SIPA1L1: variants seen among roughly 807,000 people sequenced by gnomAD.
SIPA1L1 encodes the protein signal induced proliferation associated 1 like 1.
In SIPA1L1, 26 loss-of-function variants were observed where a neutral mutation model predicts 162.7. That is an observed-to-expected ratio of 0.16 (90% CI 0.12 to 0.22). SIPA1L1 has a LOEUF of 0.22. SIPA1L1 is among the 10% of genes least tolerant of loss of function. The pLI is 1.00. For missense variants in SIPA1L1, 1,874 were observed against 2,241.0 expected (o/e 0.84, Z 3.31); for synonymous variants, 829 against 837.4 (o/e 0.99, Z 0.17).
intron 5 of SIPA1L1, among the ~76,000 whole-genome samples, chr14:71,596,580 T>G (rs1242636507): frequency 6.6e-6 from 1 of 152,234 alleles, no homozygotes; most frequent in Non-Finnish European, 1.5e-5. Context: ...CATTTGTCCA[T>G]TTGTTCAGTC....
At chr14:71,733,619 T>C (rs1221184922) in intron 20 of SIPA1L1, 47 bp from the exon 21 acceptor site, 1 of 1,593,702 alleles carries the variant, frequency 6.3e-7, no homozygotes, top group Non-Finnish European at 8.6e-7. Flanking sequence ...TTTGAGTGGC[T>C]CTTCCACAGG....
intron 13 of SIPA1L1, among the ~76,000 whole-genome samples, chr14:71,691,490 AG>A (rs1232485088): frequency 6.6e-6 from 1 of 152,118 alleles, no homozygotes; most frequent in Admixed American, 6.5e-5. Flanking sequence ...GCTACTTGGG[AG>A]GCTGAGTGGG....
chr14:71,698,080 A>G (rs780595869), intron 13 of SIPA1L1, among the ~76,000 whole-genome samples: 1 of 152,214 alleles, frequency 6.6e-6, no homozygotes. Flanking sequence ...TAAAATGGAA[A>G]TGACCTCCCC....
intron 2 of SIPA1L1, among the ~76,000 whole-genome samples, chr14:71,374,301 A>C (rs1429518431): frequency 6.6e-6 from 1 of 152,150 alleles, no homozygotes; most frequent in Admixed American, 6.5e-5. Flanking sequence ...TCAATTTATC[A>C]GTAAGAGTTA....
In SIPA1L1 at chr14:71,589,148, G is replaced by A. The variant is rs746442681; in HGVS notation, c.1276G>A (p.Glu426Lys). Reference protein sequence around the residue: ...YFRNEIGGEGERKISLSKSNS... With the variant: ...YFRNEIGGEGKRKISLSKSNS... ...TCGGAATGAGATAGGTGGAGAAGGGGAGAGGAAAATCAGCCTTTCAAAATC... is the reference window on the plus strand; with the variant it reads ...TCGGAATGAGATAGGTGGAGAAGGGAAGAGGAAAATCAGCCTTTCAAAATC... The change falls in exon 5 of 24, where the codon GAG becomes AAG. Residue 426 changes from glutamate to lysine, a missense_variant. By Grantham distance (56) the Glu-to-Lys change is moderately conservative. Coordinates refer to ENST00000381232, the MANE Select transcript of SIPA1L1 (RefSeq NM_001386936.1). 3 of 1,614,100 alleles carry A rather than the reference G, an allele frequency of 1.9e-6. No homozygotes were observed. Among genetic ancestry groups the A allele is most frequent in the Non-Finnish European group, 1.7e-6 (2 of 1,179,980 alleles).
At chr14:71,604,511 T>C (rs2037243121) in intron 5 of SIPA1L1, among the ~76,000 whole-genome samples, 2 of 152,126 alleles carry the variant, frequency 1.3e-5, no homozygotes, top group Non-Finnish European at 2.9e-5. Flanking sequence ...TATCATTCTT[T>C]CACTTCCAGG....
rs961284837 is a variant in SIPA1L1, at chr14:71,544,090, T to C, written c.-303+14720T>C. On this transcript the variant is annotated intron_variant, in intron 4 of 23. Coordinates refer to ENST00000381232, the MANE Select transcript of SIPA1L1 (RefSeq NM_001386936.1). ...ACACACGCACGCACATGTATGTATATACACACGCACATGTATGTATATACA... is the reference window on the plus strand; with the variant it reads ...ACACACGCACGCACATGTATGTATACACACACGCACATGTATGTATATACA... 2.1e-4 allele frequency among the ~76,000 whole-genome samples: 32 copies of C among 149,730 alleles called. 1 individual carries two copies. Among genetic ancestry groups the C allele is most frequent in the African/African-American group, 7.2e-4 (29 of 40,364 alleles).
At chr14:71,467,574 A>G (rs2047100215) in intron 2 of SIPA1L1, among the ~76,000 whole-genome samples, 1 of 152,174 alleles carries the variant, frequency 6.6e-6, no homozygotes, top group South Asian at 2.1e-4. Flanking sequence ...CATTGTGCCC[A>G]GTTTTCAAAA....
At chr14:71,729,455 C>T (rs547458348) in intron 19 of SIPA1L1, among the ~76,000 whole-genome samples, 4 of 152,330 alleles carry the variant, frequency 2.6e-5, no homozygotes, top group African/African-American at 9.6e-5. Flanking sequence ...TAATCAAGAG[C>T]TACCTGCTAT....
At chr14:71,597,426 T>G (rs2147896103) in intron 5 of SIPA1L1, among the ~76,000 whole-genome samples, 1 of 152,328 alleles carries the variant, frequency 6.6e-6, no homozygotes, top group East Asian at 1.9e-4. Flanking sequence ...TTATTTTTCT[T>G]GTTTTTTCTT....
At chr14:71,480,310 C>T (rs1345813818) in intron 2 of SIPA1L1, among the ~76,000 whole-genome samples, 5 of 151,528 alleles carry the variant, frequency 3.3e-5, no homozygotes. Context: ...GTCTTGAACT[C>T]CTGAGTCACC....
chr14:71,389,417 A>T (rs980874203), intron 2 of SIPA1L1, among the ~76,000 whole-genome samples: 2 of 152,216 alleles, frequency 1.3e-5, no homozygotes, highest in African/African-American at 4.8e-5. Flanking sequence ...AGGAAGATAC[A>T]TGATTGATGA....
At chr14:71,697,576 G>T (rs2081742367) in intron 13 of SIPA1L1, among the ~76,000 whole-genome samples, 1 of 152,202 alleles carries the variant, frequency 6.6e-6, no homozygotes, top group Admixed American at 6.5e-5. Flanking sequence ...TGTTAGTCTT[G>T]AAAAGGTCTG....
chr14:71,602,029 AT>A (rs1357224521), intron 5 of SIPA1L1, among the ~76,000 whole-genome samples: 5 of 145,526 alleles, frequency 3.4e-5, no homozygotes, highest in African/African-American at 5.1e-5. Flanking sequence ...TATTTTGTAG[AT>A]TTTTTTCTAT....
intron 6 of SIPA1L1, among the ~76,000 whole-genome samples, chr14:71,623,311 T>G (rs1213867361): frequency 6.6e-6 from 1 of 152,224 alleles, no homozygotes; most frequent in Non-Finnish European, 1.5e-5. Context: ...GCAGTTAAAT[T>G]AGGTTAACAA....
At chr14:71,572,851 G>A (rs141159506) in intron 4 of SIPA1L1, among the ~76,000 whole-genome samples, 18 of 152,302 alleles carry the variant, frequency 1.2e-4, no homozygotes, top group African/African-American at 2.9e-4. Flanking sequence ...AAATATAGCC[G>A]TAGTAACGTA....
chr14:71,441,285 T>C (rs1417648351), intron 2 of SIPA1L1, among the ~76,000 whole-genome samples: 1 of 152,108 alleles, frequency 6.6e-6, no homozygotes, highest in East Asian at 1.9e-4. Flanking sequence ...CAGAGGGAGA[T>C]TTTCCCTTGG....
intron 2 of SIPA1L1, among the ~76,000 whole-genome samples, chr14:71,416,720 T>TACACACACACAC (rs3085177): frequency 1.4e-4 from 21 of 147,842 alleles, no homozygotes; most frequent in East Asian, 8.0e-4. Context: ...AAGAAAAATC[T>TACACACACACAC]ACACACACAC....
At chr14:71,506,649 A>C (rs545800014) in intron 2 of SIPA1L1, among the ~76,000 whole-genome samples, 1 of 152,076 alleles carries the variant, frequency 6.6e-6, no homozygotes. Flanking sequence ...CCAAATGTAC[A>C]AAATATTATT....
Sources: gnomAD v4.1 joint callset for allele counts (sites outside exome capture counted in the v4.1 genomes callset) on GRCh38, gnomAD v4.1.1 for gene constraint, MANE v1.5 for transcripts, NCBI Gene and HGNC (gene_info 2026-07-23, HGNC 2026-07-21) for gene names.